The following FYCO1 variants were observed in gnomAD, a reference collection of about 807,000 sequenced individuals.
FYCO1 encodes the protein FYVE and coiled-coil domain-containing protein 1.
Under a neutral mutation model 165.1 loss-of-function variants are expected in FYCO1, and 122 were observed. The ratio of observed to expected loss-of-function variants is 0.74; its 90% CI spans 0.64 to 0.86. The LOEUF (loss-of-function observed/expected upper bound fraction) is 0.86. FYCO1 is among the 40% of genes least tolerant of loss of function. FYCO1 has a pLI of 0.00. For missense variants in FYCO1, 1,702 were observed against 1,810.3 expected (o/e 0.94, Z 1.09); for synonymous variants, 648 against 742.5 (o/e 0.87, Z 2.07).
intron 15 of FYCO1, among the ~76,000 whole-genome samples, chr3:45,935,106 C>T (rs1423718821): frequency 1.3e-5 from 2 of 152,172 alleles, no homozygotes; most frequent in African/African-American, 2.4e-5. Flanking sequence ...TATTCTCTCA[C>T]GACCACATCT....
chr3:45,947,251 A>T, intron 14 of FYCO1: 1 of 1,614,134 alleles, frequency 6.2e-7, no homozygotes, highest in South Asian at 1.1e-5. Context: ...CGCAGCACAC[A>T]CTGGGAATAC....
chr3:45,963,979 C>T (rs542210444), intron 10 of FYCO1, among the ~76,000 whole-genome samples: 60 of 152,186 alleles, frequency 3.9e-4, no homozygotes, highest in Non-Finnish European at 6.6e-4. Flanking sequence ...AAAACAGAGT[C>T]GGCCACGTTT....
At chr3:45,995,443 C>T (rs1167674440) in intron 1 of FYCO1, among the ~76,000 whole-genome samples, 1 of 152,266 alleles carries the variant, frequency 6.6e-6, no homozygotes, top group Non-Finnish European at 1.5e-5. Flanking sequence ...TGCGGGCCCT[C>T]CGCCCTCCGG....
chr3:45,924,394 AT>A (rs559668214), intron 16 of FYCO1, among the ~76,000 whole-genome samples: 1 of 150,860 alleles, frequency 6.6e-6, no homozygotes, highest in African/African-American at 2.4e-5. Context: ...ACTGATATTG[AT>A]TTTTTTTTCA....
At chr3:45,963,540 G>C (rs376483032) in intron 10 of FYCO1, among the ~76,000 whole-genome samples, 1 of 152,226 alleles carries the variant, frequency 6.6e-6, no homozygotes, top group Admixed American at 6.5e-5. Context: ...GTTGGGAAGA[G>C]GTAATAGATA....
chr3:45,926,376 A>G (rs957668929), intron 16 of FYCO1, among the ~76,000 whole-genome samples: 1 of 152,252 alleles, frequency 6.6e-6, no homozygotes, highest in African/African-American at 2.4e-5. Context: ...TATTAATATT[A>G]CATAACACAG....
chr3:45,966,388 G>A lies in FYCO1; in HGVS notation c.2946C>T (p.Leu982=), dbSNP rs202237157. 30 of 1,613,772 alleles carry A rather than the reference G, an allele frequency of 1.9e-5. No homozygotes were observed. Among genetic ancestry groups the A allele is most frequent in the Admixed American group, 5.0e-5 (3 of 60,000 alleles). ...AGSLPGLQAQ[L]AQAEQRAQSL... Reference sequence around the variant, plus strand: ...TCTGGGCCCGCTGCTCTGCCTGGGCGAGCTGGGCCTGCAGGCCAGGCAGTG... The same window carrying A: ...TCTGGGCCCGCTGCTCTGCCTGGGCAAGCTGGGCCTGCAGGCCAGGCAGTG... Residue 982 remains leucine, a synonymous_variant, in exon 8 of 18, where the codon CTC becomes CTT. Coordinates refer to ENST00000296137, the MANE Select transcript of FYCO1 (RefSeq NM_024513.4).
intron 3 of FYCO1, among the ~76,000 whole-genome samples, chr3:45,980,567 A>G (rs1182778653): frequency 6.6e-6 from 1 of 152,228 alleles, no homozygotes; most frequent in African/African-American, 2.4e-5. Context: ...TGAAAAAAAG[A>G]AAGGCTCAAA....
intron 15 of FYCO1, among the ~76,000 whole-genome samples, chr3:45,935,877 G>A (rs1703862022): frequency 6.6e-6 from 1 of 152,172 alleles, no homozygotes; most frequent in Non-Finnish European, 1.5e-5. Flanking sequence ...ATCTGTGAAT[G>A]AGTGACTGAA....
Position 45,967,977 on chromosome 3 carries a change from C to T in FYCO1, c.1357G>A (p.Ala453Thr), listed in dbSNP as rs752338309. 1 of 1,614,026 alleles carries T rather than the reference C, an allele frequency of 6.2e-7. No individual in the cohort carries two copies. Among genetic ancestry groups the T allele is most frequent in the Non-Finnish European group, 8.5e-7 (1 of 1,180,040 alleles). ...ASLERLVKEM[A>T]PLQEELSGKG... ...CCAGACAACTCCTCCTGGAGTGGGGCCATCTCCTTCACCAGGCGCTCCAGG... is the reference window on the plus strand; with the variant it reads ...CCAGACAACTCCTCCTGGAGTGGGGTCATCTCCTTCACCAGGCGCTCCAGG... Residue 453 changes from alanine (A) to threonine (T), a missense_variant, in exon 8 of 18, where the codon GCC becomes ACC. By Grantham distance (58) the Ala-to-Thr change is moderately conservative (BLOSUM62 0). Transcript: ENST00000296137.
At chr3:45,942,901 G>A (rs548100124) in intron 14 of FYCO1, among the ~76,000 whole-genome samples, 1 of 152,178 alleles carries the variant, frequency 6.6e-6, no homozygotes, top group African/African-American at 2.4e-5. Context: ...CCATCATCAT[G>A]CTGTTGATTG....
At chr3:45,975,109 T>G (rs1559464225) in intron 5 of FYCO1, 130 bp downstream of exon 5, 1 of 762,468 alleles carries the variant, frequency 1.3e-6, no homozygotes, top group African/African-American at 1.7e-5. Flanking sequence ...CAATGATATA[T>G]GTGGAAGGAG....
At chr3:45,961,491 T>C (rs1323519024) in intron 11 of FYCO1, among the ~76,000 whole-genome samples, 2 of 151,594 alleles carry the variant, frequency 1.3e-5, no homozygotes, top group African/African-American at 4.9e-5. Flanking sequence ...GGCACAAGAA[T>C]CGCTTGAATG....
chr3:45,960,468 G>C (rs1705635672), intron 11 of FYCO1, among the ~76,000 whole-genome samples: 1 of 152,192 alleles, frequency 6.6e-6, no homozygotes, highest in Admixed American at 6.5e-5. Context: ...GAAGCAGGAA[G>C]ACTCATTCTC....
At chr3:45,958,104 C>T (rs1442463642) in intron 13 of FYCO1, among the ~76,000 whole-genome samples, 1 of 152,210 alleles carries the variant, frequency 6.6e-6, no homozygotes, top group Non-Finnish European at 1.5e-5. Flanking sequence ...GGCTGCAGCT[C>T]TGGTAGACGG....
intron 1 of FYCO1, among the ~76,000 whole-genome samples, chr3:45,986,451 A>C (rs1302716341): frequency 3.3e-5 from 5 of 152,154 alleles, no homozygotes; most frequent in Non-Finnish European, 7.4e-5. Flanking sequence ...ATATTTACAT[A>C]AGGATTCCTG....
intron 4 of FYCO1, among the ~76,000 whole-genome samples, chr3:45,977,072 G>A (rs1706797195): frequency 6.6e-6 from 1 of 152,234 alleles, no homozygotes; most frequent in South Asian, 2.1e-4. Flanking sequence ...CGATTGAGGT[G>A]AGAACAAAGT....
chr3:45,936,896 C>A (rs140239783), intron 14 of FYCO1, among the ~76,000 whole-genome samples: 2 of 152,350 alleles, frequency 1.3e-5, no homozygotes, highest in East Asian at 3.9e-4. Context: ...ACCAGCACCA[C>A]TGGGTCCTGC....
chr3:45,958,752 G>A (rs539653127), intron 12 of FYCO1, 133 bp from the exon 13 acceptor site: 1 of 814,216 alleles, frequency 1.2e-6, no homozygotes, highest in African/African-American at 1.7e-5. Context: ...TTAGGATGTG[G>A]CCATGAGCTC....
Sources: gnomAD v4.1 joint callset for allele counts (sites outside exome capture counted in the v4.1 genomes callset) on GRCh38, gnomAD v4.1.1 for gene constraint, MANE v1.5 for transcripts, NCBI Gene and HGNC (gene_info 2026-07-23, HGNC 2026-07-21) for gene names.